NELL1: variants seen among roughly 807,000 people sequenced by gnomAD.
The protein encoded by NELL1 is protein kinase C-binding protein NELL1.
NELL1 carries 76 observed loss-of-function variants against 107.4 expected under a neutral mutation model. The observed-to-expected ratio is 0.71, with a 90% CI of 0.59 to 0.86. NELL1 has a LOEUF of 0.86. Ranked by LOEUF, NELL1 falls within the 40% of genes least tolerant of loss-of-function variation. The pLI is 0.00. For missense variants in NELL1, 1,024 were observed against 1,005.5 expected (o/e 1.02, Z -0.25); for synonymous variants, 353 against 341.2 (o/e 1.03, Z -0.38).
At chr11:21,409,105 C>T (rs546771500) in intron 15 of NELL1, among the ~76,000 whole-genome samples, 1 of 152,202 alleles carries the variant, frequency 6.6e-6, no homozygotes, top group Non-Finnish European at 1.5e-5. Context: ...GACTATAAAT[C>T]ATGCTGCTAT....
At chr11:21,157,979 G>A (rs1856280875) in intron 13 of NELL1, among the ~76,000 whole-genome samples, 1 of 152,148 alleles carries the variant, frequency 6.6e-6, no homozygotes, top group African/African-American at 2.4e-5. Flanking sequence ...TGAGTCAGTG[G>A]ACTGGGAGAT....
At chr11:21,072,805 C>G (rs1196157950) in intron 12 of NELL1, among the ~76,000 whole-genome samples, 1 of 152,172 alleles carries the variant, frequency 6.6e-6, no homozygotes, top group East Asian at 1.9e-4. Context: ...ATTTTGTTGT[C>G]TTAGAAGCAA....
At chr11:21,409,686 G>C (rs933439006) in intron 15 of NELL1, among the ~76,000 whole-genome samples, 1 of 151,938 alleles carries the variant, frequency 6.6e-6, no homozygotes, top group African/African-American at 2.4e-5. Context: ...CGTGAGTATA[G>C]ATTTTCCGTC....
intron 7 of NELL1, among the ~76,000 whole-genome samples, chr11:20,926,667 G>A (rs1393431972): frequency 1.3e-5 from 2 of 152,060 alleles, no homozygotes; most frequent in Non-Finnish European, 2.9e-5. Context: ...ATGACTGGGT[G>A]GCCTAGAAAA....
At chr11:21,439,310 G>C (rs1274792337) in intron 15 of NELL1, among the ~76,000 whole-genome samples, 1 of 152,130 alleles carries the variant, frequency 6.6e-6, no homozygotes, top group East Asian at 1.9e-4. Context: ...GCACAGAGAA[G>C]GACAAGACAG....
In NELL1 at chr11:20,988,972, C is replaced by G. The variant is rs59533799; in HGVS notation, c.1300+28412C>G. Among the ~76,000 whole-genome samples, 848 of 152,216 alleles carry G rather than the reference C, an allele frequency of 5.6e-3. 12 individuals carry two copies. The highest frequency in any genetic ancestry group is 0.019 in the African/African-American group (804 of 41,524). On this transcript the variant is annotated intron_variant, in intron 12 of 19. Coordinates refer to ENST00000357134, the MANE Select transcript of NELL1 (RefSeq NM_006157.5). ...GTTCTCCTCTTGACTCCTCCACTAG[C>G]TAACTATTTGATGCTAATTCTTGCA...
chr11:20,910,823 T>A (rs1179506830), intron 5 of NELL1, among the ~76,000 whole-genome samples: 8 of 152,216 alleles, frequency 5.3e-5, no homozygotes, highest in African/African-American at 1.9e-4. Flanking sequence ...AGTTATGAAT[T>A]TATCTTCTTA....
chr11:21,031,192 T>G (rs1390462565), intron 12 of NELL1, among the ~76,000 whole-genome samples: 1 of 152,234 alleles, frequency 6.6e-6, no homozygotes, highest in Non-Finnish European at 1.5e-5. Flanking sequence ...GATAGACCGT[T>G]CTGTGCACTT....
intron 10 of NELL1, among the ~76,000 whole-genome samples, chr11:20,946,172 G>A (rs1310749015): frequency 6.6e-6 from 1 of 152,174 alleles, no homozygotes; most frequent in Non-Finnish European, 1.5e-5. Flanking sequence ...CCACTGGGAT[G>A]ACGGTCTCAT....
intron 2 of NELL1, among the ~76,000 whole-genome samples, chr11:20,703,292 G>A (rs138499400): frequency 6.6e-6 from 1 of 152,256 alleles, no homozygotes; most frequent in Admixed American, 6.5e-5. Flanking sequence ...TTATGTAGAG[G>A]TGTTTATAGT....
rs142587638 is a variant in NELL1 at position 20,959,481 on chromosome 11, T to G, written c.1172-951T>G. ...TGTGATATAGATGATGGAATACTAC[T>G]CAGCAATAAAAAGGAATGAATTAGT... On this transcript the variant is annotated intron_variant, in intron 11 of 19. Transcript: ENST00000357134. 5.4e-3 allele frequency among the ~76,000 whole-genome samples: 823 copies of G among 152,238 alleles called. 12 individuals are homozygous for G. The highest frequency in any genetic ancestry group is 0.019 in the African/African-American group (778 of 41,546).
chr11:20,766,740 ATTT>A (rs202218877), intron 2 of NELL1, among the ~76,000 whole-genome samples: 1 of 139,658 alleles, frequency 7.2e-6, no homozygotes, highest in Non-Finnish European at 1.6e-5. Context: ...CTATTGACAT[ATTT>A]TTTTTTTTTT....
intron 14 of NELL1, among the ~76,000 whole-genome samples, chr11:21,333,594 C>T: frequency 6.6e-6 from 1 of 152,096 alleles, no homozygotes; most frequent in Admixed American, 6.6e-5. Flanking sequence ...TCACATGGTT[C>T]CCATCGATAC....
chr11:20,808,613 A>T (rs1457830043), intron 3 of NELL1, among the ~76,000 whole-genome samples: 1 of 152,198 alleles, frequency 6.6e-6, no homozygotes, highest in Non-Finnish European at 1.5e-5. Context: ...CTTGTGGCTT[A>T]GACTGCCTTT....
intron 14 of NELL1, among the ~76,000 whole-genome samples, chr11:21,355,917 T>C (rs1170474548): frequency 1.3e-5 from 2 of 152,186 alleles, no homozygotes; most frequent in African/African-American, 2.4e-5. Context: ...ACTTCATTCC[T>C]TGGGGCCTTT....
intron 15 of NELL1, among the ~76,000 whole-genome samples, chr11:21,377,278 C>T (rs1851502964): frequency 6.6e-6 from 1 of 152,070 alleles, no homozygotes; most frequent in Non-Finnish European, 1.5e-5. Flanking sequence ...TTATCAAAAG[C>T]ATTTTCTGCA....
At chr11:20,839,059 A>AT (rs10710898) in intron 3 of NELL1, among the ~76,000 whole-genome samples, 42 of 151,504 alleles carry the variant, frequency 2.8e-4, no homozygotes, top group African/African-American at 9.0e-4. Context: ...AAATTAGCTT[A>AT]TTTTTTTTTT....
At chr11:20,979,014 A>G (rs1022737002) in intron 12 of NELL1, among the ~76,000 whole-genome samples, 2 of 152,122 alleles carry the variant, frequency 1.3e-5, no homozygotes, top group African/African-American at 4.8e-5. Context: ...CCCCCAGCAT[A>G]TTTACTGGAG....
intron 16 of NELL1, among the ~76,000 whole-genome samples, chr11:21,541,972 A>C (rs2133979520): frequency 6.6e-6 from 1 of 152,254 alleles, no homozygotes; most frequent in East Asian, 1.9e-4. Flanking sequence ...TTACAAAAGC[A>C]TCAACCTCAT....
Sources: allele counts gnomAD v4.1 joint callset (sites outside exome capture counted in the v4.1 genomes callset), GRCh38; gene constraint gnomAD v4.1.1; transcripts MANE v1.5; gene names NCBI Gene and HGNC (gene_info 2026-07-23, HGNC 2026-07-21).